The following ZBTB20 variants were observed in gnomAD, a reference collection of about 807,000 sequenced individuals.
ZBTB20 encodes zinc finger and BTB domain-containing protein 20.
Under a neutral mutation model 56.9 loss-of-function variants are expected in ZBTB20, and 9 were observed. The ratio of observed to expected loss-of-function variants is 0.16; its 90% CI spans 0.10 to 0.28. The LOEUF (loss-of-function observed/expected upper bound fraction) is 0.28, where lower values mean the gene tolerates loss of function less well. Among genes scored for constraint, ZBTB20 ranks in the 10% least tolerant of loss-of-function variants. The pLI, the probability that ZBTB20 is intolerant of heterozygous loss-of-function variation, is 1.00. For missense variants in ZBTB20, 655 were observed against 1,003.0 expected, an observed-to-expected ratio of 0.65 and a Z score of 4.69; for synonymous variants, 417 against 420.7, an observed-to-expected ratio of 0.99 and a Z score of 0.11.
At chr3:114,615,362 C>T (rs142010196) in intron 6 of ZBTB20, among the ~76,000 whole-genome samples, 2 of 152,184 alleles carry the variant, frequency 1.3e-5, no homozygotes, top group East Asian at 3.9e-4. Context: ...TTAGGGGACA[C>T]TATATAATGC....
chr3:114,764,572 T>G (rs1418040054), intron 5 of ZBTB20, among the ~76,000 whole-genome samples: 1 of 152,188 alleles, frequency 6.6e-6, no homozygotes. Flanking sequence ...AGTATTATGT[T>G]TATTGAATGA....
chr3:115,091,082 G>A (rs1196855502), intron 1 of ZBTB20, among the ~76,000 whole-genome samples: 1 of 151,792 alleles, frequency 6.6e-6, no homozygotes, highest in South Asian at 2.1e-4. Flanking sequence ...AATAGAAGGA[G>A]AGTGGAGCTC....
At chr3:114,842,540 A>G (rs2074427879) in intron 4 of ZBTB20, among the ~76,000 whole-genome samples, 1 of 152,234 alleles carries the variant, frequency 6.6e-6, no homozygotes, top group Non-Finnish European at 1.5e-5. Context: ...AATGGCAGAC[A>G]TAAGAACCAA....
chr3:115,063,880 T>C (rs1385489476), intron 2 of ZBTB20, among the ~76,000 whole-genome samples: 2 of 152,170 alleles, frequency 1.3e-5, no homozygotes, highest in Non-Finnish European at 2.9e-5. Flanking sequence ...GCAGAAGACT[T>C]AGTTCTTTGA....
intron 5 of ZBTB20, among the ~76,000 whole-genome samples, chr3:114,789,897 C>T (rs1009827821): frequency 2.0e-5 from 3 of 151,986 alleles, no homozygotes; most frequent in Non-Finnish European, 4.4e-5. Context: ...TATTTTTGTT[C>T]CATTTAAACA....
intron 6 of ZBTB20, among the ~76,000 whole-genome samples, chr3:114,619,001 G>A (rs1351621236): frequency 6.6e-6 from 1 of 152,098 alleles, no homozygotes; most frequent in Non-Finnish European, 1.5e-5. Context: ...AGTGGATTAG[G>A]CACTCATATA....
rs111327809 is a variant in ZBTB20, at chr3:114,501,711, T to C, written c.-294-1320A>G. On this transcript the variant is annotated intron_variant, in intron 6 of 11. Transcript: ENST00000675478. ...ATTGTGCTTTGTTTTTTTTTCTTTC[T>C]TTTTTTTTTTTTTTTGAGATGAACT... Among the ~76,000 whole-genome samples the C allele has an allele frequency of 9.8e-3, 1,327 of 135,844 alleles. 27 individuals are homozygous for C. Among genetic ancestry groups the C allele is most frequent in the African/African-American group, 0.033 (1,215 of 36,332 alleles). 89.1% of individuals were successfully genotyped at this position (135,844 alleles called of 152,430 possible).
chr3:114,937,670 G>A (rs747509577), intron 3 of ZBTB20, among the ~76,000 whole-genome samples: 2 of 151,946 alleles, frequency 1.3e-5, no homozygotes, highest in Admixed American at 6.6e-5. Flanking sequence ...ATCAGCCTGC[G>A]TTGGCCTCCC....
At chr3:114,970,540 T>C (rs2077830184) in intron 3 of ZBTB20, among the ~76,000 whole-genome samples, 1 of 152,182 alleles carries the variant, frequency 6.6e-6, no homozygotes, top group Non-Finnish European at 1.5e-5. Context: ...AAACATTTTA[T>C]TCAATTAATA....
At chr3:114,869,757 A>G (rs981084106) in intron 4 of ZBTB20, among the ~76,000 whole-genome samples, 2 of 152,212 alleles carry the variant, frequency 1.3e-5, no homozygotes, top group African/African-American at 2.4e-5. Context: ...CCTGATGGCC[A>G]CAGCTTTTCT....
At chr3:114,635,224 G>A (rs890112471) in intron 6 of ZBTB20, among the ~76,000 whole-genome samples, 1 of 152,170 alleles carries the variant, frequency 6.6e-6, no homozygotes, top group African/African-American at 2.4e-5. Context: ...TTTTCCTTGA[G>A]AAGGCAAGGA....
chr3:114,723,158 C>CT lies in ZBTB20; in HGVS notation c.-342-29584dup, dbSNP rs11394576. On this transcript the variant is annotated intron_variant, in intron 5 of 11. Transcript: ENST00000675478. ...GGTTATACCCTTCCCTTTTATTTTA[C>CT]TTTTTTTTTTGATAAGGAAATGCAA... Among the ~76,000 whole-genome samples, 1,297 of 149,320 alleles carry CT rather than the reference C, an allele frequency of 8.7e-3. 12 individuals carry two copies. The highest frequency in any genetic ancestry group is 0.028 in the African/African-American group (1,149 of 40,858).
chr3:114,575,728 G>A (rs1399873556), intron 6 of ZBTB20, among the ~76,000 whole-genome samples: 1 of 152,092 alleles, frequency 6.6e-6, no homozygotes, highest in Non-Finnish European at 1.5e-5. Context: ...GAATCCCACT[G>A]TATTTGCCAA....
At chr3:114,832,261 C>T (rs621228) in intron 4 of ZBTB20, among the ~76,000 whole-genome samples, 6,587 of 152,130 alleles carry the variant, frequency 0.043, 490 homozygotes, top group African/African-American at 0.15. Flanking sequence ...GGATGGAATA[C>T]CAGGTTGATA....
intron 1 of ZBTB20, among the ~76,000 whole-genome samples, chr3:115,130,307 T>C (rs1158011940): frequency 2.0e-5 from 3 of 152,218 alleles, no homozygotes; most frequent in Non-Finnish European, 2.9e-5. Context: ...CAAATATTTA[T>C]CAATCAACTT....
chr3:114,920,391 A>C (rs534831811), intron 3 of ZBTB20, among the ~76,000 whole-genome samples: 1 of 152,342 alleles, frequency 6.6e-6, no homozygotes, highest in East Asian at 1.9e-4. Context: ...AACAAATCTT[A>C]ACAAATTTAG....
chr3:114,708,095 T>C (rs118180881), intron 5 of ZBTB20, among the ~76,000 whole-genome samples: 1 of 152,338 alleles, frequency 6.6e-6, no homozygotes, highest in East Asian at 1.9e-4. Flanking sequence ...TTATCCAGGA[T>C]AAGCAGAATG....
intron 1 of ZBTB20, among the ~76,000 whole-genome samples, chr3:115,102,330 C>T (rs888687781): frequency 1.3e-5 from 2 of 152,004 alleles, no homozygotes; most frequent in Admixed American, 6.5e-5. Context: ...CCCAAGGTAC[C>T]AGCATGTATC....
At chr3:114,584,767 T>C (rs1300278586) in intron 6 of ZBTB20, among the ~76,000 whole-genome samples, 2 of 152,150 alleles carry the variant, frequency 1.3e-5, no homozygotes, top group Non-Finnish European at 2.9e-5. Context: ...CACAGAACTT[T>C]TGAAAATGAA....
Sources: gnomAD v4.1 joint callset for allele counts (sites outside exome capture counted in the v4.1 genomes callset) on GRCh38, gnomAD v4.1.1 for gene constraint, MANE v1.5 for transcripts, NCBI Gene and HGNC (gene_info 2026-07-23, HGNC 2026-07-21) for gene names.